Variants in LRRC8C observed in about 807,000 individuals in gnomAD.
The protein encoded by LRRC8C is volume-regulated anion channel subunit LRRC8C.
A neutral mutation model predicts 55.3 loss-of-function variants in LRRC8C; 20 were observed. That is an observed-to-expected ratio of 0.36 (90% CI 0.25 to 0.53). The LOEUF is 0.53. Among genes scored for constraint, LRRC8C ranks in the 20% least tolerant of loss-of-function variants. The pLI is 0.92. For synonymous variants in LRRC8C, 376 were observed against 360.7 expected, an observed-to-expected ratio of 1.04 and a Z score of -0.48; for missense variants, 659 against 951.4, an observed-to-expected ratio of 0.69 and a Z score of 4.04.
At chr1:89,670,458 A>G (rs1007513391) in intron 1 of LRRC8C, among the ~76,000 whole-genome samples, 19 of 152,072 alleles carry the variant, frequency 1.2e-4, no homozygotes, top group African/African-American at 4.6e-4. Flanking sequence ...TCTGGTAACT[A>G]CTTTCTTTAC....
intron 1 of LRRC8C, chr1:89,661,486 G>T: frequency 5.4e-6 from 1 of 185,600 alleles, no homozygotes; most frequent in East Asian, 1.4e-4. Context: ...CGATTGGAAA[G>T]GAGAGAACCA....
intron 1 of LRRC8C, among the ~76,000 whole-genome samples, chr1:89,660,221 A>G (rs1045549462): frequency 3.9e-5 from 6 of 152,266 alleles, no homozygotes; most frequent in Non-Finnish European, 8.8e-5. Flanking sequence ...TAAGTGAGTA[A>G]ACCCTGCCTT....
intron 1 of LRRC8C, among the ~76,000 whole-genome samples, chr1:89,674,073 T>C (rs1657489398): frequency 6.6e-6 from 1 of 152,242 alleles, no homozygotes; most frequent in Non-Finnish European, 1.5e-5. Context: ...CATAGACTGT[T>C]GGCCTTTGCT....
chr1:89,648,873 A>G (rs1004710886), intron 1 of LRRC8C, among the ~76,000 whole-genome samples: 2 of 152,182 alleles, frequency 1.3e-5, no homozygotes, highest in Non-Finnish European at 2.9e-5. Flanking sequence ...TTCACTTAGC[A>G]TATATTTAAG....
intron 1 of LRRC8C, among the ~76,000 whole-genome samples, chr1:89,681,973 C>T (rs988410691): frequency 2.0e-5 from 3 of 152,104 alleles, no homozygotes; most frequent in East Asian, 1.9e-4. Context: ...GTCAGGAGAT[C>T]GAGACCATCC....
At chr1:89,658,799 G>T (rs374529899) in intron 1 of LRRC8C, among the ~76,000 whole-genome samples, 2 of 152,074 alleles carry the variant, frequency 1.3e-5, no homozygotes, top group East Asian at 1.9e-4. Context: ...CTCTCATTTA[G>T]CTATTGGGTG....
upstream of LRRC8C, chr1:89,631,953 G>A (rs1304647861): frequency 6.6e-6 from 1 of 152,196 alleles, no homozygotes. Flanking sequence ...TTTTCTGAAG[G>A]CTTGTAGCAC....
At chr1:89,633,441 C>G (rs532938345) in intron 1 of LRRC8C, 119 bp downstream of exon 1, 5 of 152,794 alleles carry the variant, frequency 3.3e-5, no homozygotes, top group Admixed American at 6.5e-5. Context: ...CTTGCTTCCC[C>G]CCGGCTCTCA....
At chr1:89,681,963 G>C (rs1056410283) in intron 1 of LRRC8C, among the ~76,000 whole-genome samples, 2 of 152,186 alleles carry the variant, frequency 1.3e-5, no homozygotes, top group African/African-American at 4.8e-5. Flanking sequence ...AGATCACGAG[G>C]TCAGGAGATC....
rs949778056 is a variant in LRRC8C, at chr1:89,718,185, T to A, written c.*3203T>A. The A allele has an allele frequency of 6.6e-6, 1 of 152,204 alleles. No homozygotes were observed. Among genetic ancestry groups the A allele is most frequent in the Non-Finnish European group, 1.5e-5 (1 of 68,018 alleles). 9.4% of individuals were successfully genotyped at this position (152,204 alleles called of 1,614,324 possible). ...TCTTATTTCAAGTGTAAGTTATTCT[T>A]CACCCACCCCTTCCCCTGCCATTGT... On this transcript the variant is annotated 3_prime_UTR_variant, in exon 3 of 3. Transcript: ENST00000370454.
chr1:89,668,918 T>G (rs1337005752), intron 1 of LRRC8C, among the ~76,000 whole-genome samples: 6 of 152,210 alleles, frequency 3.9e-5, no homozygotes, highest in Non-Finnish European at 8.8e-5. Flanking sequence ...TCTTCTGTTT[T>G]TATAAATAAT....
At chr1:89,682,661 T>C (rs978513599) in intron 1 of LRRC8C, among the ~76,000 whole-genome samples, 1 of 152,250 alleles carries the variant, frequency 6.6e-6, no homozygotes, top group Non-Finnish European at 1.5e-5. Flanking sequence ...CTGAAGGGAT[T>C]GTGTTCTTCA....
At chr1:89,686,726 C>T in intron 2 of LRRC8C, 115 bp downstream of exon 2, 10 of 1,163,904 alleles carry the variant, frequency 8.6e-6, no homozygotes, top group Non-Finnish European at 1.2e-5. Context: ...TCACTGTTCT[C>T]TGTGGATGTA....
intron 1 of LRRC8C, among the ~76,000 whole-genome samples, chr1:89,665,219 G>A (rs1657228131): frequency 6.6e-6 from 1 of 152,142 alleles, no homozygotes; most frequent in African/African-American, 2.4e-5. Context: ...GTTTTCAAAG[G>A]GAATGCTTCC....
At chr1:89,659,311 T>C (rs1049647505) in intron 1 of LRRC8C, among the ~76,000 whole-genome samples, 1 of 152,176 alleles carries the variant, frequency 6.6e-6, no homozygotes, top group Non-Finnish European at 1.5e-5. Context: ...CAGTTTTCAA[T>C]TGTTTTGTTC....
chr1:89,677,878 G>A (rs1657593147), intron 1 of LRRC8C, among the ~76,000 whole-genome samples: 1 of 152,122 alleles, frequency 6.6e-6, no homozygotes, highest in African/African-American at 2.4e-5. Flanking sequence ...CTCTCCCAAG[G>A]GAGAAAGGTA....
chr1:89,702,384 G>A (rs1305579185), intron 2 of LRRC8C, among the ~76,000 whole-genome samples: 2 of 151,982 alleles, frequency 1.3e-5, no homozygotes, highest in Non-Finnish European at 2.9e-5. Context: ...TTAACCAGAT[G>A]ACAATGAATT....
upstream of LRRC8C, among the ~76,000 whole-genome samples, chr1:89,630,324 G>A (rs1242743483): frequency 6.6e-6 from 1 of 152,186 alleles, no homozygotes; most frequent in Admixed American, 6.5e-5. Flanking sequence ...CCAATAGACT[G>A]ATGAGGAAAC....
chr1:89,686,346 G>A, intron 1 of LRRC8C, 124 bp from the exon 2 acceptor site: 1 of 904,066 alleles, frequency 1.1e-6, no homozygotes, highest in South Asian at 1.8e-5. Flanking sequence ...AAACATTGAT[G>A]TGTCTTGACA....
Sources: allele counts gnomAD v4.1 joint callset (sites outside exome capture counted in the v4.1 genomes callset), GRCh38; gene constraint gnomAD v4.1.1; transcripts MANE v1.5; gene names NCBI Gene and HGNC (gene_info 2026-07-23, HGNC 2026-07-21).